The following CASP8 variants were observed in gnomAD, a reference collection of about 807,000 sequenced individuals.
CASP8 encodes caspase 8.
In CASP8, 24 loss-of-function variants were observed where a neutral mutation model predicts 46.3. That is an observed-to-expected ratio of 0.52 (90% CI 0.38 to 0.73). The LOEUF is 0.73. CASP8 is among the 30% of genes least tolerant of loss of function. The pLI is 0.00. For missense variants in CASP8, 460 were observed against 559.0 expected (o/e 0.82, Z 1.79); for synonymous variants, 188 against 200.4 (o/e 0.94, Z 0.52).
intron 2 of CASP8, among the ~76,000 whole-genome samples, chr2:201,249,628 G>A (rs1211560167): frequency 2.0e-5 from 3 of 152,242 alleles, no homozygotes; most frequent in African/African-American, 7.2e-5. Context: ...GGGAGGCTAA[G>A]GCGAGAGGAT....
Position 201,266,898 on chromosome 2 carries a change from C to T in CASP8, c.305+107C>T. 1 of 715,164 alleles carries T rather than the reference C, an allele frequency of 1.4e-6. No homozygotes were observed. 44.3% of individuals were successfully genotyped at this position (715,164 alleles called of 1,614,324 possible). ...GTACCCTGCCTAGTGCCTGGGAACC[C>T]AGCAGTGCCACAATTCTAAGCTTCT... is the stretch of plus-strand genomic sequence containing the variant. On this transcript the variant is annotated intron_variant, in intron 2 of 8. Coordinates refer to ENST00000673742, the MANE Select transcript of CASP8 (RefSeq NM_001372051.1). The surrounding 1 kb of genome is among the most constrained non-coding windows in gnomAD (Gnocchi z 5.7).
chr2:201,254,081 C>CA (rs11418268), intron 2 of CASP8, among the ~76,000 whole-genome samples: 59,954 of 134,568 alleles, frequency 0.45, 14,417 homozygotes, highest in Non-Finnish European at 0.58. Context: ...AACTCCATCT[C>CA]AAAAAAAAAA....
At chr2:201,273,417 TAGTC>T (rs1448582787) in intron 5 of CASP8, among the ~76,000 whole-genome samples, 2 of 152,192 alleles carry the variant, frequency 1.3e-5, no homozygotes, top group Non-Finnish European at 2.9e-5. Context: ...GGTGCAGAGT[TAGTC>T]AGTAGTAAGT....
chr2:201,281,235 A>C (rs1449250790), intron 7 of CASP8, among the ~76,000 whole-genome samples: 1 of 152,048 alleles, frequency 6.6e-6, no homozygotes, highest in African/African-American at 2.4e-5. Context: ...AATTGCTTGA[A>C]CTTGGGGGGC....
intron 2 of CASP8, chr2:201,241,258 G>T (rs75530656): frequency 6.6e-6 from 1 of 152,108 alleles, no homozygotes; most frequent in African/African-American, 2.4e-5. Flanking sequence ...TTTTTGAAAA[G>T]AATAACAAAA....
intron 2 of CASP8, among the ~76,000 whole-genome samples, chr2:201,252,208 G>A (rs1460652293): frequency 6.6e-6 from 1 of 152,060 alleles, no homozygotes; most frequent in Non-Finnish European, 1.5e-5. Context: ...CAATTGGGTT[G>A]TTTGTTTTGT....
intron 2 of CASP8, among the ~76,000 whole-genome samples, chr2:201,237,739 T>C (rs1946117686): frequency 6.6e-6 from 1 of 152,230 alleles, no homozygotes; most frequent in Non-Finnish European, 1.5e-5. Context: ...TGGATGGCTC[T>C]GTGTCTTCTG....
chr2:201,250,007 G>A (rs1946709057), intron 2 of CASP8, among the ~76,000 whole-genome samples: 1 of 152,208 alleles, frequency 6.6e-6, no homozygotes, highest in South Asian at 2.1e-4. Context: ...CCTTTATAAG[G>A]AAATGAAGAC....
chr2:201,239,686 C>T (rs1946220242), intron 2 of CASP8, among the ~76,000 whole-genome samples: 1 of 152,108 alleles, frequency 6.6e-6, no homozygotes, highest in Admixed American at 6.5e-5. Flanking sequence ...CCTTCCTCTT[C>T]AGTTTGGCAA....
At chr2:201,269,541 G>A in intron 2 of CASP8, 1 of 1,613,716 alleles carries the variant, frequency 6.2e-7, no homozygotes, top group South Asian at 1.1e-5. Flanking sequence ...CTGGGCTGAA[G>A]CAAACAGCCA....
intron 2 of CASP8, chr2:201,242,680 A>G (rs1946352582): frequency 6.6e-6 from 1 of 152,110 alleles, no homozygotes; most frequent in African/African-American, 2.4e-5. Context: ...TTTTTTTTAC[A>G]GAAAAAAACC....
chr2:201,256,088 G>A (rs1022868490), upstream of CASP8, among the ~76,000 whole-genome samples: 2 of 152,158 alleles, frequency 1.3e-5, no homozygotes, highest in Non-Finnish European at 2.9e-5. Context: ...GAAGGCCCAG[G>A]CACTATTCTA....
intron 3 of CASP8, 52 bp downstream of exon 3, chr2:201,271,673 G>A: frequency 1.8e-6 from 2 of 1,135,362 alleles, no homozygotes; most frequent in Non-Finnish European, 2.7e-6. Flanking sequence ...GTTAGCCAGG[G>A]GGCATTTCTG....
Position 201,282,840 on chromosome 2 carries a change from C to T in CASP8, c.803-1976C>T, listed in dbSNP as rs1421276476. Among the ~76,000 whole-genome samples, 63 of 83,600 alleles carry T rather than the reference C, an allele frequency of 7.5e-4. 1 individual carries two copies. The highest frequency in any genetic ancestry group is 1.3e-3 in the South Asian group (2 of 1,590). The allele number at this position is 83,600 out of a possible 152,430, so 54.8% of individuals were successfully genotyped here. ...GGGGCTGACCCCCCCACCTCCCTCC[C>T]GGACGGGGCGGCTGGCCGGGCAGAG... is the stretch of plus-strand genomic sequence containing the variant. On this transcript the variant is annotated intron_variant, in intron 7 of 8. Transcript: ENST00000673742.
At position 201,274,966 on chromosome 2, in the gene CASP8, C is replaced by T. The variant is rs753925201; in HGVS notation, c.660+13C>T. On this transcript the variant is annotated intron_variant, in intron 6 of 8. Transcript: ENST00000673742. Reference sequence around the variant, plus strand: ...TAGTGAATCACAGGTAGACGGAAACCTCCAAATCCTTTTTTTTACATTACA... The same window carrying T: ...TAGTGAATCACAGGTAGACGGAAACTTCCAAATCCTTTTTTTTACATTACA... 3 of 1,588,062 alleles carry T rather than the reference C, an allele frequency of 1.9e-6. No individual in the cohort carries two copies. The highest frequency in any genetic ancestry group is 8.6e-7 in the Non-Finnish European group (1 of 1,157,136).
At position 201,266,406 on chromosome 2, in the gene CASP8, G is replaced by T; in HGVS notation, c.-26-55G>T. 1 of 1,387,120 alleles carries T rather than the reference G, an allele frequency of 7.2e-7. No individual in the cohort carries two copies. 85.9% of individuals were successfully genotyped at this position (1,387,120 alleles called of 1,614,324 possible). A position where few individuals can be genotyped will look rare whatever the true frequency, so the allele number is the denominator to read the frequency against. On this transcript the variant is annotated intron_variant, in intron 1 of 8. Transcript: ENST00000673742. This position sits in a 1 kb window ranked among gnomAD's most constrained non-coding sequence, Gnocchi z 5.7. ...AGTTGCAGTAGCCTTTGATGAACAA[G>T]CCAGCAAATGGTACTTTTCTTCCTT...
intron 7 of CASP8, among the ~76,000 whole-genome samples, chr2:201,280,054 C>A (rs1948903201): frequency 6.6e-6 from 1 of 151,802 alleles, no homozygotes; most frequent in South Asian, 2.1e-4. Context: ...GAGAAAAAAG[C>A]AACCTTTTTT....
chr2:201,252,068 G>C (rs1437630786), intron 2 of CASP8, among the ~76,000 whole-genome samples: 1 of 152,204 alleles, frequency 6.6e-6, no homozygotes, highest in Non-Finnish European at 1.5e-5. Flanking sequence ...CAAATATGTA[G>C]TGGTATCTCA....
intron 7 of CASP8, chr2:201,277,733 C>T (rs1288624462): frequency 9.2e-6 from 4 of 433,620 alleles, no homozygotes; most frequent in Non-Finnish European, 1.4e-5. Flanking sequence ...CAAAGTCTCA[C>T]TCTGTTGCCC....
Sources: allele counts gnomAD v4.1 joint callset (sites outside exome capture counted in the v4.1 genomes callset), GRCh38; gene constraint gnomAD v4.1.1; non-coding constraint Gnocchi (gnomAD v3.1); transcripts MANE v1.5; gene names NCBI Gene and HGNC (gene_info 2026-07-23, HGNC 2026-07-21).